Variants in AKR1E2 observed in about 807,000 individuals in gnomAD.
The protein encoded by AKR1E2 is 1,5-anhydro-D-fructose reductase.
A neutral mutation model predicts 41.9 loss-of-function variants in AKR1E2; 43 were observed. The observed-to-expected ratio is 1.03, with a 90% CI of 0.80 to 1.32. AKR1E2 has a LOEUF of 1.32. Among genes scored for constraint, AKR1E2 ranks in the 40% most tolerant of loss-of-function variants. The pLI, the probability that AKR1E2 is intolerant of heterozygous loss-of-function variation, is 0.00. For synonymous variants in AKR1E2, 121 were observed against 138.9 expected, an observed-to-expected ratio of 0.87 and a Z score of 0.91; for missense variants, 423 against 396.5, an observed-to-expected ratio of 1.07 and a Z score of -0.57.
chr10:4,839,836 C>T lies in AKR1E2; in HGVS notation c.680+10C>T, dbSNP rs1378848686. The T allele has an allele frequency of 6.2e-7, 1 of 1,611,004 alleles. No homozygotes were observed. Among genetic ancestry groups the T allele is most frequent in the South Asian group, 1.1e-5 (1 of 90,998 alleles). ...CTCTTGGTGGCTCGTGGTAAGGATA[C>T]CTCAGTGGTGTGTTAGTCAGAGTCC... On this transcript the variant is annotated intron_variant, in intron 6 of 9. Transcript: ENST00000298375.
chr10:4,861,514 T>C, the AKR1E2 span, among the ~76,000 whole-genome samples: 3 of 152,054 alleles, frequency 2.0e-5, no homozygotes, highest in East Asian at 5.8e-4. Flanking sequence ...GGGATTACAG[T>C]TGCACCACCG....
chr10:4,827,321 A>ACCTTTCTC (rs1187879002), intron 1 of AKR1E2, among the ~76,000 whole-genome samples: 14 of 141,946 alleles, frequency 9.9e-5, no homozygotes, highest in South Asian at 2.2e-4. Flanking sequence ...TTGTGGTAAG[A>ACCTTTCTC]TGTTTGAAAT....
intron 3 of AKR1E2, among the ~76,000 whole-genome samples, chr10:4,833,834 A>G (rs148738929): frequency 1.4e-3 from 214 of 152,246 alleles, no homozygotes; most frequent in African/African-American, 4.8e-3. Flanking sequence ...CTCTTCTTGC[A>G]GGTTCTGTTC....
intron 8 of AKR1E2, among the ~76,000 whole-genome samples, chr10:4,846,647 G>A (rs1676295305): frequency 6.6e-6 from 1 of 151,702 alleles, no homozygotes; most frequent in Non-Finnish European, 1.5e-5. Context: ...CTGGGTTCAA[G>A]CGGTTCTCCT....
upstream of AKR1E2, among the ~76,000 whole-genome samples, chr10:4,825,386 C>T (rs765845855): frequency 3.3e-5 from 5 of 151,974 alleles, no homozygotes; most frequent in African/African-American, 1.2e-4. Context: ...AGAGGGGCGT[C>T]GGAAGGCTCC....
chr10:4,834,700 G>A (rs1042978604), intron 3 of AKR1E2, among the ~76,000 whole-genome samples: 1 of 152,210 alleles, frequency 6.6e-6, no homozygotes, highest in African/African-American at 2.4e-5. Context: ...ATATGCTCAG[G>A]TCAGACATTT....
upstream of AKR1E2, chr10:4,826,135 C>A: frequency 2.3e-6 from 1 of 427,942 alleles, no homozygotes; most frequent in Non-Finnish European, 3.9e-6. Context: ...CAGTCAGTGC[C>A]CGGCGCGCGA....
At chr10:4,825,454 G>T (rs568517158), upstream of AKR1E2, among the ~76,000 whole-genome samples, 1 of 152,092 alleles carries the variant, frequency 6.6e-6, no homozygotes. Flanking sequence ...CATAAGGGGG[G>T]TGTCCAGTCC....
chr10:4,858,657 A>G, the AKR1E2 span, among the ~76,000 whole-genome samples: 1 of 152,090 alleles, frequency 6.6e-6, no homozygotes, highest in Non-Finnish European at 1.5e-5. Flanking sequence ...GGCAGCTTTT[A>G]CAATGTTCTA....
the AKR1E2 span, among the ~76,000 whole-genome samples, chr10:4,863,349 C>T: frequency 2.0e-5 from 3 of 152,148 alleles, no homozygotes; most frequent in Non-Finnish European, 4.4e-5. Flanking sequence ...ACAACCTGCT[C>T]CTGAATGACT....
chr10:4,867,305 C>T, the AKR1E2 span, among the ~76,000 whole-genome samples: 3 of 152,172 alleles, frequency 2.0e-5, no homozygotes, highest in African/African-American at 7.2e-5. Flanking sequence ...TGGTTGCATT[C>T]CTTGGTGTCT....
the AKR1E2 span, among the ~76,000 whole-genome samples, chr10:4,858,476 T>A: frequency 5.3e-4 from 81 of 152,340 alleles, no homozygotes; most frequent in African/African-American, 1.8e-3. Flanking sequence ...GAGATAGTCA[T>A]GTAAGCAAAT....
In AKR1E2 at chr10:4,835,815, C is replaced by T; in HGVS notation, c.459+6C>T. 1 of 1,613,376 alleles carries T rather than the reference C, an allele frequency of 6.2e-7. No individual in the cohort carries two copies. Among genetic ancestry groups the T allele is most frequent in the South Asian group, 1.1e-5 (1 of 91,044 alleles). Reference sequence around the variant, plus strand: ...ACTTCCTGGACACGTGGGAGGTGAGCTGAGCCACACCACCAGGCAGCCTCA... The same window carrying T: ...ACTTCCTGGACACGTGGGAGGTGAGTTGAGCCACACCACCAGGCAGCCTCA... On this transcript the variant is annotated splice_donor_region_variant and intron_variant, in intron 4 of 9. Coordinates refer to ENST00000298375, the MANE Select transcript of AKR1E2 (RefSeq NM_001040177.3).
intron 3 of AKR1E2, among the ~76,000 whole-genome samples, chr10:4,835,356 C>T (rs1833316369): frequency 6.6e-6 from 1 of 152,242 alleles, no homozygotes; most frequent in African/African-American, 2.4e-5. Context: ...ACTCCTCACC[C>T]ATTCTTTACC....
rs559892725 is a variant in AKR1E2 at position 4,841,965 on chromosome 10, T to G, written c.753+108T>G. 9.3e-6 allele frequency: 9 copies of G among 967,854 alleles called. No homozygotes were observed. The African/African-American group carries it at 1.5e-4, about 16-fold the overall frequency. The allele number at this position is 967,854 out of a possible 1,614,324, so 60.0% of individuals were successfully genotyped here. ...CCAGGAAGGGACTGGCTCACCCAGGTGAGTCCATGACTCATTAGAACCTCC... is the reference window on the plus strand; with the variant it reads ...CCAGGAAGGGACTGGCTCACCCAGGGGAGTCCATGACTCATTAGAACCTCC... On this transcript the variant is annotated intron_variant, in intron 7 of 9. Transcript: ENST00000298375.
chr10:4,826,469 C>T, intron 1 of AKR1E2, 106 bp downstream of exon 1: 1 of 1,053,618 alleles, frequency 9.5e-7, no homozygotes, highest in South Asian at 4.8e-5. Context: ...CGGCGGCCTC[C>T]CCTCCGCCTG....
intron 7 of AKR1E2, 33 bp downstream of exon 7, chr10:4,841,890 G>A (rs766216408): frequency 1.1e-5 from 17 of 1,601,518 alleles, no homozygotes; most frequent in Non-Finnish European, 1.4e-5. Context: ...AGCCAGGTGG[G>A]GTTCTCTGAC....
At chr10:4,858,611 A>G in the AKR1E2 span, among the ~76,000 whole-genome samples, 2 of 152,266 alleles carry the variant, frequency 1.3e-5, no homozygotes, top group Admixed American at 1.3e-4. Context: ...CCTAAGGTTC[A>G]ATAGAAAGAC....
intron 5 of AKR1E2, among the ~76,000 whole-genome samples, chr10:4,838,686 C>G (rs887592484): frequency 1.3e-5 from 2 of 152,132 alleles, no homozygotes; most frequent in Non-Finnish European, 2.9e-5. Flanking sequence ...CCTGTTGTAG[C>G]CACCACCATG....
Sources: allele counts gnomAD v4.1 joint callset (sites outside exome capture counted in the v4.1 genomes callset), GRCh38; gene constraint gnomAD v4.1.1; transcripts MANE v1.5; gene names NCBI Gene and HGNC (gene_info 2026-07-23, HGNC 2026-07-21).